The following CAMTA1 variants were observed in gnomAD, a reference collection of about 807,000 sequenced individuals.
The protein encoded by CAMTA1 is calmodulin binding transcription activator 1.
Under a neutral mutation model 170.9 loss-of-function variants are expected in CAMTA1, and 27 were observed. The observed-to-expected ratio is 0.16, with a 90% CI of 0.12 to 0.22. The LOEUF is 0.22. CAMTA1 is among the 10% of genes least tolerant of loss of function. The pLI is 1.00. For synonymous variants in CAMTA1, 833 were observed against 891.5 expected (o/e 0.93, Z 1.17); for missense variants, 1,619 against 2,217.2 (o/e 0.73, Z 5.42).
At chr1:7,729,863 C>T (rs976020208) in intron 11 of CAMTA1, among the ~76,000 whole-genome samples, 2 of 152,212 alleles carry the variant, frequency 1.3e-5, no homozygotes, top group African/African-American at 2.4e-5. Flanking sequence ...ATGGAACCGT[C>T]GTACGCTTTG....
chr1:7,165,835 C>A (rs1464754583), intron 4 of CAMTA1, among the ~76,000 whole-genome samples: 2 of 152,126 alleles, frequency 1.3e-5, no homozygotes, highest in African/African-American at 4.8e-5. Context: ...TTATATGAGA[C>A]CATCCAATAT....
intron 4 of CAMTA1, among the ~76,000 whole-genome samples, chr1:7,168,319 T>G (rs866085828): frequency 2.0e-5 from 3 of 152,214 alleles, no homozygotes; most frequent in Non-Finnish European, 1.5e-5. Flanking sequence ...CCTTAGAGAT[T>G]TTATTTCTTA....
chr1:7,541,563 A>G (rs2094611081), intron 6 of CAMTA1, among the ~76,000 whole-genome samples: 2 of 152,252 alleles, frequency 1.3e-5, no homozygotes, highest in African/African-American at 4.8e-5. Flanking sequence ...TGAAATTATT[A>G]CAATGTCGTA....
intron 6 of CAMTA1, among the ~76,000 whole-genome samples, chr1:7,582,666 C>T (rs1327192665): frequency 2.0e-5 from 3 of 152,114 alleles, no homozygotes; most frequent in African/African-American, 4.8e-5. Flanking sequence ...TCATCCCAGC[C>T]ACTACAAAGG....
At chr1:7,102,772 C>G (rs1642894053) in intron 4 of CAMTA1, among the ~76,000 whole-genome samples, 1 of 152,164 alleles carries the variant, frequency 6.6e-6, no homozygotes, top group Admixed American at 6.5e-5. Context: ...TGCTGCCCTT[C>G]TGATGCTGGG....
intron 5 of CAMTA1, among the ~76,000 whole-genome samples, chr1:7,453,800 G>A (rs2092886826): frequency 6.6e-6 from 1 of 152,246 alleles, no homozygotes; most frequent in African/African-American, 2.4e-5. Context: ...CTGAGGGAGG[G>A]AAGGAAAGGG....
intron 3 of CAMTA1, among the ~76,000 whole-genome samples, chr1:7,037,001 C>T (rs1239115396): frequency 6.6e-6 from 1 of 152,134 alleles, no homozygotes; most frequent in Non-Finnish European, 1.5e-5. Context: ...ACTTCTTCAT[C>T]GGTTTTATAA....
At chr1:7,081,815 A>G (rs1205841329) in intron 3 of CAMTA1, among the ~76,000 whole-genome samples, 1 of 152,322 alleles carries the variant, frequency 6.6e-6, no homozygotes, top group East Asian at 1.9e-4. Flanking sequence ...GAAGCTGGAA[A>G]TCCCTGACCT....
Position 7,588,309 on chromosome 1 carries a change from T to A in CAMTA1, c.511-52091T>A, listed in dbSNP as rs76909778. ...GGCCCTGCTGGGGACCCCGGGTCTG[T>A]CAGGTCTGGTGAGAGGTGGCTCTGC... is the stretch of plus-strand genomic sequence containing the variant. On this transcript the variant is annotated intron_variant, in intron 6 of 22. Coordinates refer to ENST00000303635, the MANE Select transcript of CAMTA1 (RefSeq NM_015215.4). This position sits in a 1 kb window ranked among gnomAD's most constrained non-coding sequence, Gnocchi z 5.8. Among the ~76,000 whole-genome samples the A allele has an allele frequency of 0.029, 4,445 of 151,134 alleles. 92 individuals are homozygous for A. Among genetic ancestry groups the A allele is most frequent in the Non-Finnish European group, 0.043 (2,945 of 68,016 alleles).
At chr1:7,257,492 C>T (rs1574251816) in intron 5 of CAMTA1, among the ~76,000 whole-genome samples, 1 of 152,202 alleles carries the variant, frequency 6.6e-6, no homozygotes, top group East Asian at 1.9e-4. Context: ...AGTTGTTTAT[C>T]TCCTCCCAGC....
At chr1:7,265,154 G>C (rs1379054118) in intron 5 of CAMTA1, among the ~76,000 whole-genome samples, 31 of 152,284 alleles carry the variant, frequency 2.0e-4, no homozygotes, top group Admixed American at 1.9e-3. Context: ...CTGAGCAGGT[G>C]AACTGTTCCT....
intron 12 of CAMTA1, among the ~76,000 whole-genome samples, chr1:7,735,029 T>C (rs536388060): frequency 6.6e-6 from 1 of 152,318 alleles, no homozygotes; most frequent in Non-Finnish European, 1.5e-5. Flanking sequence ...TTAAAATTAG[T>C]AAACTTCTCT....
chr1:7,106,971 G>T (rs6694886), intron 4 of CAMTA1, among the ~76,000 whole-genome samples: 70,557 of 151,628 alleles, frequency 0.47, 18,061 homozygotes, highest in African/African-American at 0.68. Context: ...GCAGCCTCTG[G>T]GGAGATGTCG....
At chr1:7,655,238 A>C (rs866651953) in intron 7 of CAMTA1, among the ~76,000 whole-genome samples, 12 of 146,090 alleles carry the variant, frequency 8.2e-5, no homozygotes, top group African/African-American at 3.2e-4. Context: ...ACACACACCT[A>C]TACACACACA....
chr1:7,689,936 T>C (rs1348978928), intron 11 of CAMTA1, among the ~76,000 whole-genome samples: 8 of 152,134 alleles, frequency 5.3e-5, no homozygotes, highest in Non-Finnish European at 1.0e-4. Flanking sequence ...GTTGGGCGTA[T>C]CACCTGAGGT....
intron 6 of CAMTA1, among the ~76,000 whole-genome samples, chr1:7,608,161 G>T (rs1219800150): frequency 2.0e-5 from 3 of 152,194 alleles, no homozygotes; most frequent in Non-Finnish European, 4.4e-5. Flanking sequence ...TTCAGACCTT[G>T]GCTCTCCTGC....
intron 4 of CAMTA1, among the ~76,000 whole-genome samples, chr1:7,207,843 C>G (rs1173781303): frequency 6.6e-6 from 1 of 152,190 alleles, no homozygotes; most frequent in Non-Finnish European, 1.5e-5. Flanking sequence ...CCTGCTACCT[C>G]TCCTGGGCAT....
At chr1:7,101,565 A>G (rs1046979243) in intron 4 of CAMTA1, among the ~76,000 whole-genome samples, 2 of 152,254 alleles carry the variant, frequency 1.3e-5, no homozygotes, top group African/African-American at 4.8e-5. Flanking sequence ...CAAAGGAAGG[A>G]AATCTTTTCT....
intron 6 of CAMTA1, among the ~76,000 whole-genome samples, chr1:7,497,785 T>A (rs2093854649): frequency 6.6e-6 from 1 of 152,096 alleles, no homozygotes; most frequent in African/African-American, 2.4e-5. Context: ...GAGTGCGCCT[T>A]AGTAAGGGGG....
Sources: gnomAD v4.1 joint callset for allele counts (sites outside exome capture counted in the v4.1 genomes callset) on GRCh38, gnomAD v4.1.1 for gene constraint, Gnocchi (gnomAD v3.1) non-coding constraint, MANE v1.5 for transcripts, NCBI Gene and HGNC (gene_info 2026-07-23, HGNC 2026-07-21) for gene names.